PIAS2: variants seen among roughly 807,000 people sequenced by gnomAD.
PIAS2 encodes protein inhibitor of activated STAT 2, also known as E3 SUMO-protein ligase PIAS2.
A neutral mutation model predicts 69.7 loss-of-function variants in PIAS2; 19 were observed. The ratio of observed to expected loss-of-function variants is 0.27; its 90% CI spans 0.19 to 0.40. The LOEUF is 0.40. Among genes scored for constraint, PIAS2 ranks in the 10% least tolerant of loss-of-function variants. The pLI, the probability that PIAS2 is intolerant of heterozygous loss-of-function variation, is 1.00. For synonymous variants in PIAS2, 261 were observed against 263.2 expected (o/e 0.99, Z 0.08); for missense variants, 624 against 757.0 (o/e 0.82, Z 2.06).
Position 46,844,641 on chromosome 18 carries a change from T to C in PIAS2, c.967+93A>G, listed in dbSNP as rs549184249. ...AAGCTAACAAATATATACTAATATATTGATGTGAGCAATATTTAAAGCATT... is the reference window on the plus strand; with the variant it reads ...AAGCTAACAAATATATACTAATATACTGATGTGAGCAATATTTAAAGCATT... On this transcript the variant is annotated intron_variant, in intron 7 of 13. Transcript: ENST00000585916. 1.4e-5 allele frequency: 6 copies of C among 443,844 alleles called. No individual in the cohort carries two copies. The South Asian group carries it at 4.7e-4, about 35-fold the overall frequency. The allele number at this position is 443,844 out of a possible 1,614,324, so 27.5% of individuals were successfully genotyped here. A position where few individuals can be genotyped will look rare whatever the true frequency, so the allele number is the denominator to read the frequency against.
At chr18:46,908,465 C>T (rs2056881724) in intron 1 of PIAS2, among the ~76,000 whole-genome samples, 1 of 151,902 alleles carries the variant, frequency 6.6e-6, no homozygotes, top group Non-Finnish European at 1.5e-5. Flanking sequence ...TGAGGAAAAA[C>T]CATGCATCTT....
At chr18:46,896,585 A>G (rs1211801083) in intron 1 of PIAS2, among the ~76,000 whole-genome samples, 1 of 152,244 alleles carries the variant, frequency 6.6e-6, no homozygotes, top group Non-Finnish European at 1.5e-5. Context: ...ACAAAACATG[A>G]AATTCAAAAA....
chr18:46,825,663 A>G (rs2042750598), intron 11 of PIAS2, among the ~76,000 whole-genome samples: 2 of 152,234 alleles, frequency 1.3e-5, no homozygotes, highest in Admixed American at 6.5e-5. Context: ...AAAATGGAAC[A>G]AAACTGGCAT....
Position 46,829,629 on chromosome 18 carries a change from T to C in PIAS2, c.1336+105A>G, listed in dbSNP as rs2043307842. On this transcript the variant is annotated intron_variant, in intron 10 of 13. Coordinates refer to ENST00000585916, the MANE Select transcript of PIAS2 (RefSeq NM_004671.5). ...GGAAAACTATATATCATCAAAAGAC[T>C]GAGTCAACAAGCTGAATTCCAAACG... 32 of 958,922 alleles carry C rather than the reference T, an allele frequency of 3.3e-5. No individual in the cohort carries two copies. The South Asian group carries it at 5.5e-4, about 16-fold the overall frequency. 59.4% of individuals were successfully genotyped at this position (958,922 alleles called of 1,614,324 possible). A position where few individuals can be genotyped will look rare whatever the true frequency, so the allele number is the denominator to read the frequency against.
At chr18:46,913,684 G>A (rs2057504926) in intron 1 of PIAS2, among the ~76,000 whole-genome samples, 1 of 152,170 alleles carries the variant, frequency 6.6e-6, no homozygotes, top group Non-Finnish European at 1.5e-5. Context: ...ACTGCCACCA[G>A]CAGACCACAA....
At chr18:46,905,634 T>A (rs1259684619) in intron 1 of PIAS2, 2 of 152,052 alleles carry the variant, frequency 1.3e-5, no homozygotes, top group Non-Finnish European at 2.9e-5. Flanking sequence ...CAAGGGGATA[T>A]TAACTACAAG....
At chr18:46,913,561 T>TA (rs758512713) in intron 1 of PIAS2, among the ~76,000 whole-genome samples, 5,649 of 136,316 alleles carry the variant, frequency 0.041, 178 homozygotes, top group African/African-American at 0.094. Flanking sequence ...GGGAGATCCT[T>TA]AAAAAAAAAA....
At position 46,856,134 on chromosome 18, in the gene PIAS2, T is replaced by A. The variant is rs553119814; in HGVS notation, c.585-519A>T. Among the ~76,000 whole-genome samples the A allele has an allele frequency of 6.6e-5, 10 of 150,392 alleles. No homozygotes were observed. The East Asian group carries it at 2.0e-3, about 30-fold the overall frequency. ...CATTCTCCTGCCTCAGCCTCCCGAG[T>A]AGCTGGGACTACAGGCGCCCGCCAC... is the stretch of plus-strand genomic sequence containing the variant. On this transcript the variant is annotated intron_variant, in intron 3 of 13. Coordinates refer to ENST00000585916, the MANE Select transcript of PIAS2 (RefSeq NM_004671.5).
intron 2 of PIAS2, among the ~76,000 whole-genome samples, chr18:46,871,525 AAAG>A (rs773338024): frequency 6.6e-6 from 1 of 152,200 alleles, no homozygotes; most frequent in African/African-American, 2.4e-5. Context: ...GGAGAAGGAG[AAAG>A]AAGTCATTCC....
chr18:46,867,559 T>C (rs2049673235), intron 2 of PIAS2, among the ~76,000 whole-genome samples: 1 of 152,208 alleles, frequency 6.6e-6, no homozygotes, highest in Non-Finnish European at 1.5e-5. Flanking sequence ...AAACCAATTC[T>C]GCAGAGATTC....
At chr18:46,835,289 A>G (rs997193390) in intron 9 of PIAS2, among the ~76,000 whole-genome samples, 1 of 152,216 alleles carries the variant, frequency 6.6e-6, no homozygotes, top group Non-Finnish European at 1.5e-5. Flanking sequence ...TCTGGGTCAT[A>G]GTTACATGGG....
At chr18:46,876,683 T>C (rs931784443) in intron 2 of PIAS2, among the ~76,000 whole-genome samples, 5 of 148,538 alleles carry the variant, frequency 3.4e-5, no homozygotes, top group African/African-American at 7.5e-5. Flanking sequence ...CAGGAATAAA[T>C]GATCCCTTTA....
intron 9 of PIAS2, chr18:46,836,128 A>C (rs1458505677): frequency 5.6e-6 from 2 of 355,534 alleles, no homozygotes; most frequent in African/African-American, 4.1e-5. Context: ...TGGAAAGCAA[A>C]AACATTGCCC....
At chr18:46,890,466 C>A (rs1013373137) in intron 2 of PIAS2, 114 bp downstream of exon 2, 2 of 659,568 alleles carry the variant, frequency 3.0e-6, no homozygotes, top group Non-Finnish European at 5.1e-6. Flanking sequence ...TTCAAACATT[C>A]GGCATTGATG....
In PIAS2 at chr18:46,812,541, G is replaced by T; in HGVS notation, c.1758C>A (p.Thr586=). 6.2e-7 allele frequency: 1 copy of T among 1,612,480 alleles called. No individual in the cohort carries two copies. Among genetic ancestry groups the T allele is most frequent in the Non-Finnish European group, 8.5e-7 (1 of 1,178,620 alleles). ...LTASSTSVTT[T]SSHESSTHVS... The stretch of plus-strand genomic sequence containing the variant: ...CATGAGTACTGCTTTCATGGGAGCT[G>T]GTGGTGGTGACAGACGTACTGCTTG... The change falls in exon 14 of 14, where the codon ACC becomes ACA. Residue 586 remains threonine (T), a synonymous_variant. Transcript: ENST00000585916.
chr18:46,858,374 A>G (rs1405706601), intron 3 of PIAS2, among the ~76,000 whole-genome samples: 1 of 152,244 alleles, frequency 6.6e-6, no homozygotes, highest in Non-Finnish European at 1.5e-5. Flanking sequence ...TTTCTAATGG[A>G]AAGATCTCAT....
intron 1 of PIAS2, chr18:46,916,714 TAAGAA>T: frequency 1.7e-6 from 1 of 573,478 alleles, no homozygotes; most frequent in African/African-American, 2.0e-5. Context: ...ACTAAAACAC[TAAGAA>T]AATATCGAGG....
intron 2 of PIAS2, among the ~76,000 whole-genome samples, chr18:46,870,215 G>A (rs911209566): frequency 6.6e-6 from 1 of 152,104 alleles, no homozygotes; most frequent in Non-Finnish European, 1.5e-5. Context: ...CCACCTCTAA[G>A]GAATCAGCCC....
chr18:46,883,014 C>G (rs1399828252), intron 2 of PIAS2, among the ~76,000 whole-genome samples: 1 of 151,512 alleles, frequency 6.6e-6, no homozygotes, highest in Non-Finnish European at 1.5e-5. Flanking sequence ...AAAAAAATCG[C>G]TTGAACCCGG....
Sources: allele counts gnomAD v4.1 joint callset (sites outside exome capture counted in the v4.1 genomes callset), GRCh38; gene constraint gnomAD v4.1.1; transcripts MANE v1.5; gene names NCBI Gene and HGNC (gene_info 2026-07-23, HGNC 2026-07-21).